The following WASHC4 variants were observed in gnomAD, a reference collection of about 807,000 sequenced individuals.
The protein encoded by WASHC4 is WASH complex subunit 4.
WASHC4 carries 86 observed loss-of-function variants against 166.6 expected under a neutral mutation model. The observed-to-expected ratio is 0.52, with a 90% confidence interval of 0.43 to 0.62. The LOEUF is 0.62. Ranked by LOEUF, WASHC4 falls within the 20% of genes least tolerant of loss-of-function variation. The pLI, the probability that WASHC4 is intolerant of heterozygous loss-of-function variation, is 0.00. For missense variants in WASHC4, 1,262 were observed against 1,382.4 expected, an observed-to-expected ratio of 0.91 and a Z score of 1.38; for synonymous variants, 446 against 451.6, an observed-to-expected ratio of 0.99 and a Z score of 0.16.
intron 26 of WASHC4, among the ~76,000 whole-genome samples, chr12:105,153,843 A>G (rs1883951251): frequency 6.6e-6 from 1 of 152,076 alleles, no homozygotes. Flanking sequence ...TAGAAATAAC[A>G]GTTGTTAAAT....
intron 6 of WASHC4, among the ~76,000 whole-genome samples, chr12:105,117,644 A>G (rs1296207422): frequency 1.3e-5 from 2 of 152,190 alleles, no homozygotes; most frequent in African/African-American, 4.8e-5. Flanking sequence ...TAAACATTCA[A>G]CAAATATGTT....
intron 31 of WASHC4, 41 bp from the exon 32 acceptor site, chr12:105,164,598 TAA>T: frequency 7.4e-7 from 1 of 1,360,104 alleles, no homozygotes; most frequent in Non-Finnish European, 1.0e-6. Flanking sequence ...TTTGCCATAA[TAA>T]GTATTTTTGG....
chr12:105,167,027 G>T lies in WASHC4; in HGVS notation c.*96G>T. 2.4e-6 allele frequency: 2 copies of T among 841,728 alleles called. No homozygotes were observed. The highest frequency in any genetic ancestry group is 1.3e-5 in the South Asian group (1 of 74,714). 52.1% of individuals were successfully genotyped at this position (841,728 alleles called of 1,614,324 possible). The stretch of plus-strand genomic sequence containing the variant: ...AAACTATTGATGAATTGTTTCCTGG[G>T]TCACATCTCTGGAAAATAGATGTTA... On this transcript the variant is annotated 3_prime_UTR_variant, in exon 33 of 33. Transcript: ENST00000332180.
intron 13 of WASHC4, among the ~76,000 whole-genome samples, chr12:105,133,358 A>G (rs886442142): frequency 2.6e-5 from 4 of 152,160 alleles, no homozygotes; most frequent in East Asian, 1.9e-4. Context: ...CACCTACTCA[A>G]TGAGCCTACT....
intron 30 of WASHC4, among the ~76,000 whole-genome samples, chr12:105,163,677 A>T (rs1029716005): frequency 3.3e-5 from 5 of 151,766 alleles, no homozygotes; most frequent in Non-Finnish European, 7.4e-5. Context: ...AATTAAAAAA[A>T]TTTTTGTTTT....
intron 9 of WASHC4, among the ~76,000 whole-genome samples, chr12:105,121,697 G>A (rs185562427): frequency 3.0e-4 from 46 of 152,126 alleles, no homozygotes; most frequent in Admixed American, 1.3e-4. Context: ...TAGTAGAGAC[G>A]GCGTTTCACC....
intron 7 of WASHC4, among the ~76,000 whole-genome samples, chr12:105,119,489 A>C (rs1005510728): frequency 2.0e-5 from 3 of 152,230 alleles, no homozygotes; most frequent in African/African-American, 7.2e-5. Flanking sequence ...CATTGTTCTT[A>C]CTATACCATG....
intron 10 of WASHC4, among the ~76,000 whole-genome samples, chr12:105,122,809 T>C (rs888247266): frequency 1.1e-4 from 16 of 152,176 alleles, no homozygotes; most frequent in African/African-American, 3.9e-4. Flanking sequence ...AATCGATAAA[T>C]GTTGTGTGTG....
chr12:105,113,126 A>G (rs2135721390), intron 2 of WASHC4, among the ~76,000 whole-genome samples: 1 of 152,182 alleles, frequency 6.6e-6, no homozygotes, highest in Middle Eastern at 3.4e-3. Flanking sequence ...ATTGTATGTA[A>G]GTTATAGGAA....
intron 24 of WASHC4, chr12:105,149,378 CTTTTCTT>C (rs1451970139): frequency 2.4e-5 from 25 of 1,057,410 alleles, no homozygotes; most frequent in Middle Eastern, 4.5e-4. Context: ...CCACTTTTTT[CTTTTCTT>C]TTTTCTTTTT....
At chr12:105,114,452 A>C in intron 4 of WASHC4, 25 bp downstream of exon 4, 1 of 1,399,522 alleles carries the variant, frequency 7.1e-7, no homozygotes, top group Non-Finnish European at 9.9e-7. Context: ...TCTTGTCTTA[A>C]AACTTTAAAA....
At chr12:105,121,582 A>G (rs982924579) in intron 9 of WASHC4, among the ~76,000 whole-genome samples, 2 of 152,146 alleles carry the variant, frequency 1.3e-5, no homozygotes, top group Admixed American at 1.3e-4. Context: ...ATCTCGGCTC[A>G]CTGCAACTTC....
At position 105,152,642 on chromosome 12, in the gene WASHC4, A is replaced by G. The variant is rs146909278; in HGVS notation, c.2758+191A>G. On this transcript the variant is annotated intron_variant, in intron 26 of 32. Coordinates refer to ENST00000332180, the MANE Select transcript of WASHC4 (RefSeq NM_015275.3). ...TTGCTGCAGAAATAATTGATAGACT[A>G]TAGGCTAATCACGTAAATAAAACCT... 4.4e-3 allele frequency among the ~76,000 whole-genome samples: 671 copies of G among 152,334 alleles called. 1 individual carries two copies. The highest frequency in any genetic ancestry group is 6.3e-3 in the Non-Finnish European group (430 of 68,022).
At chr12:105,138,335 G>A (rs1486835693) in intron 15 of WASHC4, among the ~76,000 whole-genome samples, 1 of 149,226 alleles carries the variant, frequency 6.7e-6, no homozygotes, top group Non-Finnish European at 1.5e-5. Flanking sequence ...TTTACTCTTG[G>A]AAGTTTTAAA....
intron 26 of WASHC4, among the ~76,000 whole-genome samples, chr12:105,155,710 G>A (rs532424207): frequency 0.11 from 12 of 112 alleles, no homozygotes; most frequent in African/African-American, 0.31. Flanking sequence ...GCGTGGTGGC[G>A]GACGCCATGT....
At position 105,114,388 on chromosome 12, in the gene WASHC4, T is replaced by C; in HGVS notation, c.282T>C (p.Tyr94=). 1 of 1,598,472 alleles carries C rather than the reference T, an allele frequency of 6.3e-7. No homozygotes were observed. The highest frequency in any genetic ancestry group is 1.3e-5 in the African/African-American group (1 of 74,584). ...NKVLNKVITV[Y]AALCCEIKKL... ...TCTTAAACAAAGTCATCACTGTTTA[T>C]GCTGCACTTTGTTGTGAAATCAAGA... The change falls in exon 4 of 33, where the codon TAT becomes TAC. Residue 94 remains tyrosine (Y), a synonymous_variant. Transcript: ENST00000332180.
At chr12:105,108,966 C>G (rs973448185) in intron 1 of WASHC4, among the ~76,000 whole-genome samples, 5 of 152,072 alleles carry the variant, frequency 3.3e-5, no homozygotes, top group African/African-American at 4.8e-5. Context: ...ATGGTGAAAC[C>G]CCGTCTCTAC....
intron 25 of WASHC4, 128 bp from the exon 26 acceptor site, chr12:105,152,215 T>C: frequency 1.6e-6 from 1 of 639,888 alleles, no homozygotes; most frequent in South Asian, 1.8e-5. Flanking sequence ...GAATTATTAA[T>C]CTTAATTAAT....
intron 1 of WASHC4, 100 bp downstream of exon 1, chr12:105,107,961 C>A (rs1879239065): frequency 1.1e-6 from 1 of 883,862 alleles, no homozygotes; most frequent in Admixed American, 2.0e-5. Context: ...GCTGCGCAGC[C>A]GTCTGGTGCG....
Sources: gnomAD v4.1 joint callset for allele counts (sites outside exome capture counted in the v4.1 genomes callset) on GRCh38, gnomAD v4.1.1 for gene constraint, MANE v1.5 for transcripts, NCBI Gene and HGNC (gene_info 2026-07-23, HGNC 2026-07-21) for gene names.